RCL1: variants seen among roughly 807,000 people sequenced by gnomAD.
RCL1 encodes the protein RNA 3'-terminal phosphate cyclase-like protein.
A neutral mutation model predicts 42.4 loss-of-function variants in RCL1; 24 were observed. The ratio of observed to expected loss-of-function variants is 0.57; its 90% CI spans 0.41 to 0.80. The LOEUF is 0.80. RCL1 is among the 30% of genes least tolerant of loss of function. RCL1 has a pLI of 0.00. For missense variants in RCL1, 578 were observed against 467.9 expected (o/e 1.24, Z -2.17); for synonymous variants, 228 against 177.3 (o/e 1.29, Z -2.27).
chr9:4,793,370 A>G (rs1842862841), intron 1 of RCL1, 143 bp downstream of exon 1: 3 of 953,098 alleles, frequency 3.1e-6, no homozygotes, highest in Non-Finnish European at 4.4e-6. Flanking sequence ...CGTCGCCTCC[A>G]AAGCCGGAGG....
chr9:4,796,730 A>G (rs1282615547), intron 1 of RCL1, among the ~76,000 whole-genome samples: 2 of 152,140 alleles, frequency 1.3e-5, no homozygotes, highest in South Asian at 2.1e-4. Flanking sequence ...GCTGTGTAGT[A>G]TTCCATAGTG....
At chr9:4,848,630 A>G (rs295254) in intron 7 of RCL1, among the ~76,000 whole-genome samples, 42,280 of 152,130 alleles carry the variant, frequency 0.28, 7,114 homozygotes, top group Non-Finnish European at 0.38. Context: ...AAGTTATTCC[A>G]GAAAGAATGA....
At chr9:4,798,810 T>G (rs1473114169) in intron 1 of RCL1, among the ~76,000 whole-genome samples, 1 of 152,042 alleles carries the variant, frequency 6.6e-6, no homozygotes, top group Non-Finnish European at 1.5e-5. Flanking sequence ...GAACATACCC[T>G]TTTGTGCCTC....
At chr9:4,850,249 G>A (rs780542948) in intron 8 of RCL1, 4 of 516,220 alleles carry the variant, frequency 7.7e-6, no homozygotes, top group African/African-American at 3.9e-5. Context: ...GCCCATCTGA[G>A]GTTGGTGAGC....
In RCL1 at chr9:4,833,182, C is replaced by G; in HGVS notation, c.413C>G (p.Pro138Arg). 6.2e-7 allele frequency: 1 copy of G among 1,613,284 alleles called. No individual in the cohort carries two copies. Among genetic ancestry groups the G allele is most frequent in the Non-Finnish European group, 8.5e-7 (1 of 1,179,210 alleles). ...SVDVLKATAL[P>R]LLKQFGIDGE... ...GATGTTCTTAAGGCAACAGCACTCC[C>G]TTTGTTGAAACAATTTGGGATTGAT... The change falls in exon 4 of 9, where the codon CCT (proline) becomes CGT (arginine). Residue 138 changes from proline (P) to arginine (R), a missense_variant. Physicochemically the swap from Pro to Arg is moderately radical, Grantham distance 103. Transcript: ENST00000381750.
intron 8 of RCL1, among the ~76,000 whole-genome samples, chr9:4,858,956 C>T (rs1354943722): frequency 1.3e-5 from 2 of 152,122 alleles, no homozygotes; most frequent in Admixed American, 1.3e-4. Context: ...GAGTACAGGG[C>T]CTGGTGGAGG....
At position 4,844,473 on chromosome 9, in the gene RCL1, G is replaced by A. The variant is rs77361694; in HGVS notation, c.711-52G>A. On this transcript the variant is annotated intron_variant, in intron 6 of 8. Transcript: ENST00000381750. ...CTTCTCTTTCCGTTTGCTGGTGAGT[G>A]GAAACCTCACTTGGTTAAACCTACT... The A allele has an allele frequency of 3.5e-3, 4,953 of 1,411,920 alleles. 157 individuals are homozygous for A. In the African/African-American group the frequency reaches 0.064, roughly 18 times the overall value. The allele number at this position is 1,411,920 out of a possible 1,614,324, so 87.5% of individuals were successfully genotyped here.
At chr9:4,831,556 A>G (rs996563401) in intron 3 of RCL1, among the ~76,000 whole-genome samples, 1 of 152,196 alleles carries the variant, frequency 6.6e-6, no homozygotes, top group Non-Finnish European at 1.5e-5. Context: ...GGCTCACCAA[A>G]GCCTTGAAGT....
In RCL1 at chr9:4,793,127, G is replaced by A. The variant is rs1368059451; in HGVS notation, c.36G>A (p.Gly12=). 4.3e-6 allele frequency: 7 copies of A among 1,611,804 alleles called. No individual in the cohort carries two copies. In the East Asian group the frequency reaches 1.6e-4, roughly 36 times the overall value. ...AGGCGCACTCCCTCAGCTACGCAGG[G>A]TGCAACTTCTTGCGCCAACGTCTGG... is the stretch of plus-strand genomic sequence containing the variant. ...ATQAHSLSYA[G]CNFLRQRLVL... is the part of the protein sequence containing the mutation. The change falls in exon 1 of 9, where the codon GGG becomes GGA. Residue 12 remains glycine, a synonymous_variant. Transcript: ENST00000381750.
In RCL1 at chr9:4,818,162, C is replaced by T. The variant is rs1296863739; in HGVS notation, c.137-5386C>T. On this transcript the variant is annotated intron_variant, in intron 1 of 8. Coordinates refer to ENST00000381750, the MANE Select transcript of RCL1 (RefSeq NM_005772.5). ...TCTTGAACTCCTGACCTCAGGTGAT[C>T]CACCCGCCTCGGCCTCCCATAGTGC... Among the ~76,000 whole-genome samples the T allele has an allele frequency of 4.6e-5, 7 of 150,674 alleles. No individual in the cohort carries two copies. The East Asian group carries it at 1.4e-3, about 30-fold the overall frequency.
At chr9:4,824,666 C>T (rs114595406) in intron 2 of RCL1, among the ~76,000 whole-genome samples, 1,786 of 152,276 alleles carry the variant, frequency 0.012, 41 homozygotes, top group African/African-American at 0.04. Context: ...AAATCTCTGA[C>T]CTTTTCCCTA....
chr9:4,846,227 G>A (rs1817507107), intron 7 of RCL1, among the ~76,000 whole-genome samples: 1 of 152,098 alleles, frequency 6.6e-6, no homozygotes, highest in African/African-American at 2.4e-5. Flanking sequence ...AAATTTCCAG[G>A]TCCTAAATGG....
intron 3 of RCL1, among the ~76,000 whole-genome samples, chr9:4,832,591 C>T (rs1816975539): frequency 6.6e-6 from 1 of 152,050 alleles, no homozygotes; most frequent in South Asian, 2.1e-4. Context: ...TGGCAGATTA[C>T]AAGTTCAAGA....
At chr9:4,820,862 T>C (rs1816571624) in intron 1 of RCL1, among the ~76,000 whole-genome samples, 1 of 152,244 alleles carries the variant, frequency 6.6e-6, no homozygotes, top group Admixed American at 6.5e-5. Context: ...GTGATGCTAC[T>C]TACATCACAA....
At chr9:4,819,253 G>C (rs1375020207) in intron 1 of RCL1, among the ~76,000 whole-genome samples, 1 of 152,158 alleles carries the variant, frequency 6.6e-6, no homozygotes, top group Non-Finnish European at 1.5e-5. Flanking sequence ...CAGCAGCCTC[G>C]ATCCCTTGCA....
intron 5 of RCL1, among the ~76,000 whole-genome samples, chr9:4,835,710 C>T (rs950260055): frequency 1.3e-5 from 2 of 152,202 alleles, no homozygotes; most frequent in East Asian, 3.9e-4. Context: ...GACGTGGGTG[C>T]CGACGCCGGC....
chr9:4,844,634 G>A lies in RCL1; in HGVS notation c.820G>A (p.Asp274Asn), dbSNP rs1161138680. Reference protein sequence around the residue: ...QGQGAAVLPEDLGRNCARLLL... With the variant: ...QGQGAAVLPENLGRNCARLLL... ...CCAGGGAGCAGCAGTACTTCCAGAG[G>A]ACCTTGGCAGGAACTGTGCCCGGCT... is the stretch of plus-strand genomic sequence containing the variant. The change falls in exon 7 of 9, where the codon GAC becomes AAC. Residue 274 changes from aspartate to asparagine, a missense_variant. Transcript: ENST00000381750. 1.2e-6 allele frequency: 2 copies of A among 1,613,826 alleles called. No individual in the cohort carries two copies. Among genetic ancestry groups the A allele is most frequent in the African/African-American group, 2.7e-5 (2 of 74,922 alleles).
chr9:4,796,694 C>T (rs906909743), intron 1 of RCL1, among the ~76,000 whole-genome samples: 4 of 152,124 alleles, frequency 2.6e-5, no homozygotes, highest in African/African-American at 9.7e-5. Context: ...ATAACCATGC[C>T]CAGCCTGATT....
intron 3 of RCL1, among the ~76,000 whole-genome samples, chr9:4,832,320 C>G (rs1276484844): frequency 6.6e-6 from 1 of 152,184 alleles, no homozygotes; most frequent in Non-Finnish European, 1.5e-5. Context: ...CTCCCCAACT[C>G]CCATGTAAAA....
Sources: gnomAD v4.1 joint callset for allele counts (sites outside exome capture counted in the v4.1 genomes callset) on GRCh38, gnomAD v4.1.1 for gene constraint, MANE v1.5 for transcripts, NCBI Gene and HGNC (gene_info 2026-07-23, HGNC 2026-07-21) for gene names.